The following TNFRSF21 variants were observed in gnomAD, a reference collection of about 807,000 sequenced individuals.
TNFRSF21 encodes the protein TNF receptor superfamily member 21, also known as tumor necrosis factor receptor superfamily member 21.
TNFRSF21 carries 19 observed loss-of-function variants against 45.6 expected under a neutral mutation model. The observed-to-expected ratio is 0.42, with a 90% CI of 0.29 to 0.61. The LOEUF is 0.61. Among genes scored for constraint, TNFRSF21 ranks in the 20% least tolerant of loss-of-function variants. TNFRSF21 has a pLI of 0.23. For missense variants in TNFRSF21, 737 were observed against 851.5 expected, an observed-to-expected ratio of 0.87 and a Z score of 1.67; for synonymous variants, 314 against 335.5, an observed-to-expected ratio of 0.94 and a Z score of 0.70.
Position 47,234,886 on chromosome 6 carries a change from T to G in TNFRSF21, c.1522A>C (p.Lys508Gln). 1 of 1,384,138 alleles carries G rather than the reference T, an allele frequency of 7.2e-7. No homozygotes were observed. The highest frequency in any genetic ancestry group is 1.8e-5 in the South Asian group (1 of 55,604). The allele number at this position is 1,384,138 out of a possible 1,614,324, so 85.7% of individuals were successfully genotyped here. Residue 508 changes from lysine to glutamine, a missense_variant, in exon 5 of 6, where the codon AAA becomes CAA. Transcript: ENST00000296861. ...CTGGGGCTCATCGGGAGAGCTAGTT[T>G]GTCAGTTTCCAGCTGTAGGAGGGAA... ...MEDTTQLETD[K>Q]LALPMSPSPL...
At chr6:47,238,791 A>G (rs956269906) in intron 4 of TNFRSF21, among the ~76,000 whole-genome samples, 8 of 152,196 alleles carry the variant, frequency 5.3e-5, no homozygotes, top group African/African-American at 1.9e-4. Flanking sequence ...TGGGAATCTG[A>G]ACATCTCTGG....
intron 3 of TNFRSF21, among the ~76,000 whole-genome samples, chr6:47,256,583 A>G (rs1335799607): frequency 6.6e-6 from 1 of 152,208 alleles, no homozygotes; most frequent in Non-Finnish European, 1.5e-5. Flanking sequence ...TCATTACTGT[A>G]CTTCTCACAC....
chr6:47,240,619 T>C (rs1029334572), intron 4 of TNFRSF21, among the ~76,000 whole-genome samples: 1 of 152,222 alleles, frequency 6.6e-6, no homozygotes, highest in African/African-American at 2.4e-5. Context: ...TTAGAGAAAA[T>C]TGACAAACCC....
intron 4 of TNFRSF21, among the ~76,000 whole-genome samples, chr6:47,235,270 T>C (rs947398456): frequency 6.6e-6 from 1 of 152,154 alleles, no homozygotes; most frequent in African/African-American, 2.4e-5. Flanking sequence ...GCCACCTCCA[T>C]GTTGAAGCCC....
intron 1 of TNFRSF21, among the ~76,000 whole-genome samples, chr6:47,304,924 G>A (rs529618441): frequency 2.6e-5 from 4 of 152,212 alleles, no homozygotes; most frequent in Middle Eastern, 6.8e-3. Flanking sequence ...TCATGGGGTC[G>A]GTCAGGACTC....
At chr6:47,274,089 C>T (rs978223326) in intron 3 of TNFRSF21, among the ~76,000 whole-genome samples, 1 of 152,060 alleles carries the variant, frequency 6.6e-6, no homozygotes, top group Non-Finnish European at 1.5e-5. Flanking sequence ...CAATGCCATC[C>T]CCATCAAGCT....
rs1356564796 is a variant in TNFRSF21, at chr6:47,253,247, C to A, written c.1509+9G>T. On this transcript the variant is annotated intron_variant, in intron 4 of 5. Coordinates refer to ENST00000296861, the MANE Select transcript of TNFRSF21 (RefSeq NM_014452.5). ...CGGTGGTAATGACACACAACAAGGGCTCCATTACCTGGGTGGTGTCTTCCA... is the reference window on the plus strand; with the variant it reads ...CGGTGGTAATGACACACAACAAGGGATCCATTACCTGGGTGGTGTCTTCCA... 1 of 1,611,076 alleles carries A rather than the reference C, an allele frequency of 6.2e-7. No homozygotes were observed. The highest frequency in any genetic ancestry group is 1.1e-5 in the South Asian group (1 of 90,606).
intron 3 of TNFRSF21, among the ~76,000 whole-genome samples, chr6:47,256,024 T>C (rs1764983482): frequency 6.6e-6 from 1 of 152,166 alleles, no homozygotes; most frequent in Admixed American, 6.5e-5. Flanking sequence ...AAATGAGCTA[T>C]CAATTATTGC....
At chr6:47,303,205 C>T (rs1297406464) in intron 1 of TNFRSF21, among the ~76,000 whole-genome samples, 1 of 152,102 alleles carries the variant, frequency 6.6e-6, no homozygotes, top group African/African-American at 2.4e-5. Context: ...TGCAAGGGCA[C>T]CAAGCAACAG....
intron 3 of TNFRSF21, among the ~76,000 whole-genome samples, chr6:47,280,318 T>G (rs982503927): frequency 1.3e-5 from 2 of 152,196 alleles, no homozygotes; most frequent in African/African-American, 4.8e-5. Flanking sequence ...TACGGGATTA[T>G]CTGCTGGCCA....
At position 47,284,201 on chromosome 6, in the gene TNFRSF21, G is replaced by A; in HGVS notation, c.980C>T (p.Pro327Leu). The change falls in exon 3 of 6, where the codon CCC becomes CTC. Residue 327 changes from proline (P) to leucine (L), a missense_variant. Transcript: ENST00000296861. ...EATGGEKSST[P>L]IKGPKRGHPR... ...ATGTCCCCTCTTGGGGCCCTTGATG[G>A]GCGTGCTGGACTTCTCGCCCCCAGT... The A allele has an allele frequency of 1.9e-6, 3 of 1,614,160 alleles. No homozygotes were observed. The highest frequency in any genetic ancestry group is 2.5e-6 in the Non-Finnish European group (3 of 1,180,010).
intron 1 of TNFRSF21, among the ~76,000 whole-genome samples, chr6:47,290,746 A>C (rs1359372682): frequency 6.6e-6 from 1 of 152,212 alleles, no homozygotes; most frequent in East Asian, 1.9e-4. Flanking sequence ...GCCAACAAAC[A>C]ATGATCCCTC....
Position 47,248,939 on chromosome 6 carries a change from C to A in TNFRSF21, c.1509+4317G>T, listed in dbSNP as rs183678773. Reference sequence around the variant, plus strand: ...CACACTCACCTCATTCTCAGAGTAACCCATAGGACAGGCACGCATGTTGTT... The same window carrying A: ...CACACTCACCTCATTCTCAGAGTAAACCATAGGACAGGCACGCATGTTGTT... On this transcript the variant is annotated intron_variant, in intron 4 of 5. Coordinates refer to ENST00000296861, the MANE Select transcript of TNFRSF21 (RefSeq NM_014452.5). 2.0e-3 allele frequency among the ~76,000 whole-genome samples: 307 copies of A among 152,316 alleles called. 4 individuals are homozygous for A. The highest frequency in any genetic ancestry group is 0.018 in the Admixed American group (282 of 15,298).
At chr6:47,295,611 T>G (rs934289018) in intron 1 of TNFRSF21, among the ~76,000 whole-genome samples, 23 of 152,168 alleles carry the variant, frequency 1.5e-4, no homozygotes, top group African/African-American at 5.6e-4. Flanking sequence ...GAATTTCTGA[T>G]CATTTTATTT....
At chr6:47,243,216 C>T (rs1764772702) in intron 4 of TNFRSF21, among the ~76,000 whole-genome samples, 1 of 152,150 alleles carries the variant, frequency 6.6e-6, no homozygotes, top group Admixed American at 6.5e-5. Flanking sequence ...CTCGGCAACT[C>T]AGTTTCCCTC....
intron 3 of TNFRSF21, among the ~76,000 whole-genome samples, chr6:47,277,163 T>C (rs183899827): frequency 1.3e-5 from 2 of 152,180 alleles, no homozygotes; most frequent in East Asian, 3.9e-4. Context: ...CTGGTTAATT[T>C]TATATTTTTA....
chr6:47,306,905 G>A (rs1335196045), intron 1 of TNFRSF21, among the ~76,000 whole-genome samples: 1 of 152,166 alleles, frequency 6.6e-6, no homozygotes, highest in Non-Finnish European at 1.5e-5. Flanking sequence ...AGTGTTCTGA[G>A]TACCCTGCCA....
chr6:47,234,952 T>A, intron 4 of TNFRSF21, 54 bp from the exon 5 acceptor site: 1 of 1,066,428 alleles, frequency 9.4e-7, no homozygotes, highest in Non-Finnish European at 1.2e-6. Context: ...ACAGTAAAAT[T>A]AAAATCCCTC....
rs966199117 is a variant in TNFRSF21 at position 47,260,483 on chromosome 6, C to T, written c.1244-6962G>A. On this transcript the variant is annotated intron_variant, in intron 3 of 5. Transcript: ENST00000296861. ...CATAAAACCTTGAATTACATATTATCTGGGGGACAATCCTAATTTGAAGCT... is the reference window on the plus strand; with the variant it reads ...CATAAAACCTTGAATTACATATTATTTGGGGGACAATCCTAATTTGAAGCT... Among the ~76,000 whole-genome samples, 8 of 152,272 alleles carry T rather than the reference C, an allele frequency of 5.3e-5. No homozygotes were observed. The East Asian group carries it at 1.2e-3, about 22-fold the overall frequency.
Sources: gnomAD v4.1 joint callset for allele counts (sites outside exome capture counted in the v4.1 genomes callset) on GRCh38, gnomAD v4.1.1 for gene constraint, MANE v1.5 for transcripts, NCBI Gene and HGNC (gene_info 2026-07-23, HGNC 2026-07-21) for gene names.